Variants in TESC observed in about 807,000 individuals in gnomAD.
The protein encoded by TESC is calcineurin B homologous protein 3.
A neutral mutation model predicts 31.0 loss-of-function variants in TESC; 19 were observed. The observed-to-expected ratio is 0.61, with a 90% CI of 0.43 to 0.90. The LOEUF (loss-of-function observed/expected upper bound fraction) is 0.90. TESC is among the 40% of genes least tolerant of loss of function. TESC has a pLI of 0.00. For synonymous variants in TESC, 109 were observed against 114.8 expected (o/e 0.95, Z 0.32); for missense variants, 248 against 303.8 (o/e 0.82, Z 1.36).
chr12:117,070,473 G>A (rs1954952771), intron 2 of TESC, among the ~76,000 whole-genome samples: 3 of 152,128 alleles, frequency 2.0e-5, no homozygotes, highest in Admixed American at 6.5e-5. Context: ...CCTCGAAGCC[G>A]ACTCTGAAGC....
At chr12:117,095,361 C>A (rs1353747961) in intron 1 of TESC, among the ~76,000 whole-genome samples, 1 of 152,194 alleles carries the variant, frequency 6.6e-6, no homozygotes, top group African/African-American at 2.4e-5. Flanking sequence ...GCGTGAGCCA[C>A]CACGCCCGGC....
chr12:117,051,407 G>A (rs112863896), intron 3 of TESC, among the ~76,000 whole-genome samples: 74 of 152,214 alleles, frequency 4.9e-4, no homozygotes, highest in African/African-American at 1.6e-3. Flanking sequence ...GCCCATCTGC[G>A]GGATGAGATC....
intron 1 of TESC, among the ~76,000 whole-genome samples, chr12:117,088,670 G>C (rs1955255796): frequency 7.6e-6 from 1 of 130,944 alleles, no homozygotes; most frequent in African/African-American, 3.3e-5. Context: ...GACAGAGTGA[G>C]ACTCTGTCTC....
At chr12:117,063,974 T>C (rs1349971338) in intron 2 of TESC, among the ~76,000 whole-genome samples, 1 of 152,164 alleles carries the variant, frequency 6.6e-6, no homozygotes, top group Non-Finnish European at 1.5e-5. Context: ...AAACCTGCAT[T>C]AATACAGTAG....
chr12:117,077,894 A>T (rs1452504287), intron 1 of TESC, among the ~76,000 whole-genome samples: 1 of 152,092 alleles, frequency 6.6e-6, no homozygotes, highest in Non-Finnish European at 1.5e-5. Context: ...AACCTCAAAG[A>T]GCTGTCTGTA....
chr12:117,043,188 A>G (rs959000637), intron 6 of TESC, among the ~76,000 whole-genome samples: 7 of 152,088 alleles, frequency 4.6e-5, no homozygotes, highest in African/African-American at 9.7e-5. Context: ...GGGAAGCCAC[A>G]TCGGTTCGAT....
intron 2 of TESC, among the ~76,000 whole-genome samples, chr12:117,060,118 A>G (rs1269562039): frequency 6.6e-6 from 1 of 152,148 alleles, no homozygotes; most frequent in Non-Finnish European, 1.5e-5. Flanking sequence ...TGGACTGTAC[A>G]TTTTCAATGG....
chr12:117,075,364 A>G, intron 1 of TESC, 24 bp from the exon 2 acceptor site: 1 of 1,603,414 alleles, frequency 6.2e-7, no homozygotes, highest in Non-Finnish European at 8.5e-7. Flanking sequence ...GAAAGAGAGA[A>G]AAACAAGACA....
At chr12:117,092,730 A>G (rs117664271) in intron 1 of TESC, among the ~76,000 whole-genome samples, 91 of 152,342 alleles carry the variant, frequency 6.0e-4, no homozygotes, top group Admixed American at 9.8e-4. Context: ...TTGGAGTTAG[A>G]GGCTGCAGTG....
chr12:117,068,299 G>A (rs1304210488), intron 2 of TESC, among the ~76,000 whole-genome samples: 3 of 152,164 alleles, frequency 2.0e-5, no homozygotes, highest in Non-Finnish European at 4.4e-5. Flanking sequence ...GGAGGCCGAG[G>A]CGGGTGGATC....
chr12:117,054,187 G>A (rs758781702), intron 3 of TESC, among the ~76,000 whole-genome samples: 34 of 151,874 alleles, frequency 2.2e-4, no homozygotes, highest in South Asian at 1.9e-3. Context: ...CCAGATCCTC[G>A]GGGCACCCCT....
Position 117,056,878 on chromosome 12 carries a change from T to A in TESC, c.137A>T (p.Asn46Ile). Residue 46 changes from asparagine (N) to isoleucine (I), a missense_variant, in exon 3 of 8, where the codon AAC becomes ATC. Asn to Ile is a moderately radical substitution (Grantham distance 149). Transcript: ENST00000335209. ...SGDQPTIRKE[N>I]FNNVPDLELN... ...CTCCAGGTCCGGGACATTGTTGAAG[T>A]TCTCCTTGCTGGTTTCCAAGAAGGA... is the stretch of plus-strand genomic sequence containing the variant. The A allele has an allele frequency of 6.2e-7, 1 of 1,614,130 alleles. No individual in the cohort carries two copies. The highest frequency in any genetic ancestry group is 8.5e-7 in the Non-Finnish European group (1 of 1,180,012).
At chr12:117,070,357 C>T (rs1954949532) in intron 2 of TESC, among the ~76,000 whole-genome samples, 1 of 152,156 alleles carries the variant, frequency 6.6e-6, no homozygotes, top group Non-Finnish European at 1.5e-5. Flanking sequence ...TTCTGGGAGG[C>T]TGGAAGGAGG....
chr12:117,097,030 G>T (rs1451128363), intron 1 of TESC, among the ~76,000 whole-genome samples: 2 of 152,178 alleles, frequency 1.3e-5, no homozygotes, highest in African/African-American at 4.8e-5. Context: ...CACCTGTCGG[G>T]CGTTTTGTTT....
chr12:117,077,158 A>G (rs1331106520), intron 1 of TESC, among the ~76,000 whole-genome samples: 1 of 152,176 alleles, frequency 6.6e-6, no homozygotes, highest in Non-Finnish European at 1.5e-5. Context: ...AAGCATCTCC[A>G]GCAGCTCGTT....
intron 1 of TESC, among the ~76,000 whole-genome samples, chr12:117,076,484 G>A (rs947129357): frequency 5.3e-5 from 8 of 152,094 alleles, no homozygotes; most frequent in African/African-American, 1.4e-4. Flanking sequence ...ACACTCTGTC[G>A]CCCAGGCTAG....
At chr12:117,044,574 C>CT (rs1954529690) in intron 6 of TESC, among the ~76,000 whole-genome samples, 2 of 152,210 alleles carry the variant, frequency 1.3e-5, no homozygotes, top group South Asian at 4.1e-4. Flanking sequence ...ATCAAGCATC[C>CT]ATGGGTGTGA....
At chr12:117,093,010 G>A (rs1332315653) in intron 1 of TESC, among the ~76,000 whole-genome samples, 1 of 152,204 alleles carries the variant, frequency 6.6e-6, no homozygotes, top group African/African-American at 2.4e-5. Context: ...ACCTAGCCCA[G>A]AGGAAGAGAA....
At chr12:117,063,141 A>G (rs566681150) in intron 2 of TESC, among the ~76,000 whole-genome samples, 1 of 152,198 alleles carries the variant, frequency 6.6e-6, no homozygotes, top group South Asian at 2.1e-4. Context: ...TGATGATCCT[A>G]TTTTACAGAC....
Sources: gnomAD v4.1 joint callset for allele counts (sites outside exome capture counted in the v4.1 genomes callset) on GRCh38, gnomAD v4.1.1 for gene constraint, MANE v1.5 for transcripts, NCBI Gene and HGNC (gene_info 2026-07-23, HGNC 2026-07-21) for gene names.